Variants in WDFY2 observed in about 807,000 individuals in gnomAD.
WDFY2 encodes WD repeat and FYVE domain containing 2.
WDFY2 carries 36 observed loss-of-function variants against 56.4 expected under a neutral mutation model. The observed-to-expected ratio is 0.64, with a 90% CI of 0.49 to 0.84. WDFY2 has a LOEUF of 0.84. WDFY2 is among the 40% of genes least tolerant of loss of function. The pLI is 0.00. For synonymous variants in WDFY2, 176 were observed against 183.7 expected, an observed-to-expected ratio of 0.96 and a Z score of 0.34; for missense variants, 444 against 512.2, an observed-to-expected ratio of 0.87 and a Z score of 1.29.
intron 1 of WDFY2, among the ~76,000 whole-genome samples, chr13:51,660,246 G>A (rs1955585382): frequency 6.6e-6 from 1 of 151,844 alleles, no homozygotes; most frequent in Non-Finnish European, 1.5e-5. Flanking sequence ...ACCCAGGCTG[G>A]AGTGCAGTGG....
intron 7 of WDFY2, among the ~76,000 whole-genome samples, chr13:51,748,396 G>A (rs1953152898): frequency 6.6e-6 from 1 of 152,194 alleles, no homozygotes; most frequent in Admixed American, 6.5e-5. Flanking sequence ...GCCTTGCTGA[G>A]AAATCAACTA....
At chr13:51,639,182 C>T (rs1438951972) in intron 1 of WDFY2, among the ~76,000 whole-genome samples, 1 of 152,152 alleles carries the variant, frequency 6.6e-6, no homozygotes, top group Non-Finnish European at 1.5e-5. Context: ...CACTTTTTTA[C>T]ACCATGTACT....
intron 7 of WDFY2, among the ~76,000 whole-genome samples, chr13:51,746,378 T>C (rs1953104875): frequency 6.6e-6 from 1 of 152,252 alleles, no homozygotes; most frequent in African/African-American, 2.4e-5. Context: ...TTTGCTAGGT[T>C]CTTGGCCTGG....
At chr13:51,600,472 C>A (rs749356891) in intron 1 of WDFY2, among the ~76,000 whole-genome samples, 5 of 152,178 alleles carry the variant, frequency 3.3e-5, no homozygotes, top group Non-Finnish European at 5.9e-5. Context: ...CACTGGCTTC[C>A]TCTGTTTCTT....
intron 1 of WDFY2, among the ~76,000 whole-genome samples, chr13:51,601,967 A>G (rs1451769681): frequency 6.6e-6 from 1 of 152,196 alleles, no homozygotes; most frequent in Non-Finnish European, 1.5e-5. Flanking sequence ...CCCCTAAGAC[A>G]TTCCTTTTAA....
intron 7 of WDFY2, among the ~76,000 whole-genome samples, chr13:51,739,650 G>A (rs1952921589): frequency 6.6e-6 from 1 of 152,206 alleles, no homozygotes; most frequent in Admixed American, 6.5e-5. Context: ...CTTGATTCAT[G>A]TCAGGCTCTT....
chr13:51,677,562 G>T (rs1955908859), intron 3 of WDFY2, among the ~76,000 whole-genome samples: 1 of 152,088 alleles, frequency 6.6e-6, no homozygotes, highest in African/African-American at 2.4e-5. Context: ...AGAAATAGTG[G>T]TTAACTTATT....
At chr13:51,708,369 C>G (rs901192562) in intron 4 of WDFY2, among the ~76,000 whole-genome samples, 1 of 151,466 alleles carries the variant, frequency 6.6e-6, no homozygotes, top group African/African-American at 2.4e-5. Context: ...GTCTCAGCTA[C>G]TAGGGAGGCT....
intron 1 of WDFY2, among the ~76,000 whole-genome samples, chr13:51,628,141 A>G (rs180991048): frequency 6.6e-6 from 1 of 152,080 alleles, no homozygotes; most frequent in South Asian, 2.1e-4. Flanking sequence ...TGGCATCAAC[A>G]TGCCATCCAC....
At position 51,660,647 on chromosome 13, in the gene WDFY2, A is replaced by G; in HGVS notation, c.189A>G (p.Val63=). Residue 63 remains valine, a synonymous_variant, in exon 2 of 12, where the codon GTA becomes GTG. Transcript: ENST00000298125. ...KRDSGQYWPS[V]YHAMPSPCSC... ...ACAGTGGACAGTATTGGCCAAGCGT[A>G]TACCATGCAATGCCTTGTAAGTATC... 6.2e-7 allele frequency: 1 copy of G among 1,613,922 alleles called. No homozygotes were observed. Among genetic ancestry groups the G allele is most frequent in the South Asian group, 1.1e-5 (1 of 91,074 alleles).
At chr13:51,622,927 G>A (rs80190741) in intron 1 of WDFY2, among the ~76,000 whole-genome samples, 1 of 146,580 alleles carries the variant, frequency 6.8e-6, no homozygotes, top group Non-Finnish European at 1.5e-5. Context: ...GTACGATCTC[G>A]GCTCACTGCA....
In WDFY2 at chr13:51,731,162, T is replaced by G. The variant is rs1234410905; in HGVS notation, c.598+3372T>G. On this transcript the variant is annotated intron_variant, in intron 6 of 11. Transcript: ENST00000298125. ...GCAGGCCTGGTGATGGACCTGATGGTTCCCAGGTTTGCTTTAGGCAGAGGT... is the reference window on the plus strand; with the variant it reads ...GCAGGCCTGGTGATGGACCTGATGGGTCCCAGGTTTGCTTTAGGCAGAGGT... Among the ~76,000 whole-genome samples the G allele has an allele frequency of 4.6e-5, 7 of 152,300 alleles. No homozygotes were observed. In the South Asian group the frequency reaches 1.2e-3, roughly 27 times the overall value.
At chr13:51,636,845 A>G (rs1955064149) in intron 1 of WDFY2, among the ~76,000 whole-genome samples, 1 of 152,228 alleles carries the variant, frequency 6.6e-6, no homozygotes, top group Non-Finnish European at 1.5e-5. Flanking sequence ...GTGGAGAAAG[A>G]ACAGGCTTTT....
At chr13:51,755,714 C>T (rs924790889) in intron 9 of WDFY2, among the ~76,000 whole-genome samples, 2 of 152,206 alleles carry the variant, frequency 1.3e-5, no homozygotes, top group Non-Finnish European at 2.9e-5. Context: ...TATTGCAGTG[C>T]ACCTTACAAT....
chr13:51,630,514 T>A lies in WDFY2; in HGVS notation c.138-30082T>A, dbSNP rs1464823560. 2.0e-5 allele frequency among the ~76,000 whole-genome samples: 3 copies of A among 151,960 alleles called. No individual in the cohort carries two copies. In the South Asian group the frequency reaches 6.2e-4, roughly 31 times the overall value. On this transcript the variant is annotated intron_variant, in intron 1 of 11. Coordinates refer to ENST00000298125, the MANE Select transcript of WDFY2 (RefSeq NM_052950.4). ...TCACCACAGTGCCCGCAACATTCTT[T>A]CTTTCTTTATGCATACTTTTTGAAC...
At position 51,765,274 on chromosome 13, in the gene WDFY2, T is replaced by A. The variant is rs1439997083; in HGVS notation, c.*5505T>A. The A allele has an allele frequency of 5.9e-5, 9 of 152,356 alleles. No individual in the cohort carries two copies. In the East Asian group the frequency reaches 1.7e-3, roughly 29 times the overall value. The allele number at this position is 152,356 out of a possible 1,614,324, so 9.4% of individuals were successfully genotyped here. On this transcript the variant is annotated 3_prime_UTR_variant, in exon 12 of 12. Transcript: ENST00000298125. ...CTGTTTAAACTTCAGCTCAGTTTCT[T>A]AACCAAGAACCACGTCAACCCTCCA... is the stretch of plus-strand genomic sequence containing the variant.
chr13:51,654,069 G>A (rs970142831), intron 1 of WDFY2, among the ~76,000 whole-genome samples: 3 of 152,192 alleles, frequency 2.0e-5, no homozygotes, highest in Non-Finnish European at 2.9e-5. Context: ...GAGCTTCCTG[G>A]CCACTTTGTT....
rs74886066 is a variant in WDFY2, at chr13:51,664,336, T to G, written c.205+3673T>G. ...CGTTTGTCCCTGGGCCAATCTGATT[T>G]TCCCAGGAATTTAGAATTTGGAGGC... is the stretch of plus-strand genomic sequence containing the variant. On this transcript the variant is annotated intron_variant, in intron 2 of 11. Transcript: ENST00000298125. Among the ~76,000 whole-genome samples the G allele has an allele frequency of 1.1e-4, 16 of 152,344 alleles. No homozygotes were observed. In the East Asian group the frequency reaches 3.1e-3, roughly 29 times the overall value.
chr13:51,731,892 G>A (rs77162706), intron 6 of WDFY2, among the ~76,000 whole-genome samples: 5,271 of 152,200 alleles, frequency 0.035, 132 homozygotes, highest in Middle Eastern at 0.068. Flanking sequence ...TTACAGTACA[G>A]AAGGTCATAC....
Sources: gnomAD v4.1 joint callset for allele counts (sites outside exome capture counted in the v4.1 genomes callset) on GRCh38, gnomAD v4.1.1 for gene constraint, MANE v1.5 for transcripts, NCBI Gene and HGNC (gene_info 2026-07-23, HGNC 2026-07-21) for gene names.